The following DLG2 variants were observed in gnomAD, a reference collection of about 807,000 sequenced individuals.
DLG2 encodes discs large MAGUK scaffold protein 2.
In DLG2, 45 loss-of-function variants were observed where a neutral mutation model predicts 132.5. The observed-to-expected ratio is 0.34, with a 90% CI of 0.27 to 0.44. The LOEUF is 0.44. Ranked by LOEUF, DLG2 falls within the 20% of genes least tolerant of loss-of-function variation. The pLI is 1.00. For synonymous variants in DLG2, 424 were observed against 419.6 expected, an observed-to-expected ratio of 1.01 and a Z score of -0.13; for missense variants, 1,045 against 1,196.9, an observed-to-expected ratio of 0.87 and a Z score of 1.87.
chr11:85,590,255 G>C (rs1392177876), intron 3 of DLG2, among the ~76,000 whole-genome samples: 1 of 152,150 alleles, frequency 6.6e-6, no homozygotes, highest in Non-Finnish European at 1.5e-5. Flanking sequence ...GGCTGAATTA[G>C]AACTGGTCCC....
intron 6 of DLG2, among the ~76,000 whole-genome samples, chr11:84,579,936 C>T (rs894768284): frequency 1.3e-5 from 2 of 152,170 alleles, no homozygotes; most frequent in East Asian, 3.9e-4. Flanking sequence ...AACTCCCAAA[C>T]TTCTGGTTGG....
intron 19 of DLG2, among the ~76,000 whole-genome samples, chr11:83,549,300 T>G (rs140424386): frequency 1.3e-5 from 2 of 152,176 alleles, no homozygotes; most frequent in Admixed American, 1.3e-4. Context: ...GATGTTGGAA[T>G]GAAGAAACAC....
intron 6 of DLG2, among the ~76,000 whole-genome samples, chr11:85,028,568 G>A (rs1053084754): frequency 4.0e-4 from 61 of 152,294 alleles, no homozygotes; most frequent in African/African-American, 1.4e-3. Context: ...AGTCCAGAGG[G>A]GGGGCTGAGG....
At chr11:85,515,330 A>G (rs915876937) in intron 3 of DLG2, among the ~76,000 whole-genome samples, 1 of 151,968 alleles carries the variant, frequency 6.6e-6, no homozygotes, top group Non-Finnish European at 1.5e-5. Context: ...TAAACATTTT[A>G]TGATGGCAAG....
At chr11:85,405,433 A>G (rs954838270) in intron 3 of DLG2, among the ~76,000 whole-genome samples, 1 of 152,062 alleles carries the variant, frequency 6.6e-6, no homozygotes, top group African/African-American at 2.4e-5. Flanking sequence ...ACTAAAGAAC[A>G]TAACAGAAAA....
chr11:83,837,862 T>C (rs2154009830), intron 16 of DLG2, among the ~76,000 whole-genome samples: 1 of 152,084 alleles, frequency 6.6e-6, no homozygotes, highest in Middle Eastern at 3.4e-3. Context: ...CTACTCAAGG[T>C]TATTTGTTTT....
chr11:83,468,581 A>G (rs964745391), intron 25 of DLG2, among the ~76,000 whole-genome samples: 4 of 152,128 alleles, frequency 2.6e-5, no homozygotes, highest in African/African-American at 9.7e-5. Context: ...AACCCAACAA[A>G]TATCTTCTCC....
intron 4 of DLG2, among the ~76,000 whole-genome samples, chr11:85,242,748 T>C (rs2075951102): frequency 6.6e-6 from 1 of 151,978 alleles, no homozygotes; most frequent in Admixed American, 6.6e-5. Flanking sequence ...TACTTTATTC[T>C]ATCTGTTGAG....
intron 21 of DLG2, among the ~76,000 whole-genome samples, chr11:83,518,179 C>T (rs1481148373): frequency 6.6e-6 from 1 of 152,230 alleles, no homozygotes; most frequent in Non-Finnish European, 1.5e-5. Context: ...CCAGTTTGAG[C>T]TTCCCAGCTG....
intron 3 of DLG2, among the ~76,000 whole-genome samples, chr11:85,470,513 A>G (rs1374691852): frequency 6.6e-6 from 1 of 152,168 alleles, no homozygotes; most frequent in Non-Finnish European, 1.5e-5. Context: ...ACTTGAGATC[A>G]GGAGTTCGAG....
chr11:84,370,577 A>G (rs2098702213), intron 7 of DLG2, among the ~76,000 whole-genome samples: 1 of 152,186 alleles, frequency 6.6e-6, no homozygotes, highest in Non-Finnish European at 1.5e-5. Flanking sequence ...TGTGGTGTAC[A>G]GTAGGGCCTC....
At chr11:83,604,277 T>G (rs529827348) in intron 19 of DLG2, among the ~76,000 whole-genome samples, 4 of 152,328 alleles carry the variant, frequency 2.6e-5, no homozygotes, top group African/African-American at 9.6e-5. Context: ...TCATAAGAGA[T>G]TCCACCTATT....
intron 16 of DLG2, among the ~76,000 whole-genome samples, chr11:83,844,524 G>C (rs2058240671): frequency 8.8e-6 from 1 of 113,096 alleles, no homozygotes; most frequent in African/African-American, 3.5e-5. Flanking sequence ...CTTTAGCTTA[G>C]GCAACAGAGT....
chr11:84,246,615 C>T (rs1217259217), intron 8 of DLG2, among the ~76,000 whole-genome samples: 1 of 152,152 alleles, frequency 6.6e-6, no homozygotes, highest in Admixed American at 6.5e-5. Context: ...AATCTTTCAT[C>T]CATGATATTG....
At chr11:85,491,203 A>G (rs913192055) in intron 3 of DLG2, among the ~76,000 whole-genome samples, 3 of 152,138 alleles carry the variant, frequency 2.0e-5, no homozygotes, top group Non-Finnish European at 4.4e-5. Flanking sequence ...TAGAAAAGGC[A>G]TTTGATAAAA....
At chr11:85,562,802 G>C (rs906641157) in intron 3 of DLG2, among the ~76,000 whole-genome samples, 1 of 151,756 alleles carries the variant, frequency 6.6e-6, no homozygotes, top group Non-Finnish European at 1.5e-5. Flanking sequence ...CAGTGAATTA[G>C]AGGAAGCTCC....
intron 7 of DLG2, among the ~76,000 whole-genome samples, chr11:84,532,376 A>G (rs2099344953): frequency 6.6e-6 from 1 of 152,168 alleles, no homozygotes; most frequent in Non-Finnish European, 1.5e-5. Flanking sequence ...AGAAGGATAT[A>G]AAATGCTAGC....
intron 5 of DLG2, among the ~76,000 whole-genome samples, chr11:85,131,325 C>T (rs1381593482): frequency 1.3e-5 from 2 of 151,954 alleles, no homozygotes; most frequent in Non-Finnish European, 2.9e-5. Flanking sequence ...AATTATGTTT[C>T]ACAGTATCTA....
chr11:83,662,611 T>C (rs2074577834), intron 18 of DLG2, among the ~76,000 whole-genome samples: 1 of 152,208 alleles, frequency 6.6e-6, no homozygotes, highest in Admixed American at 6.5e-5. Flanking sequence ...GTCTCTTCTA[T>C]TTATCCCTGT....
Sources: allele counts gnomAD v4.1 joint callset (sites outside exome capture counted in the v4.1 genomes callset), GRCh38; gene constraint gnomAD v4.1.1; transcripts MANE v1.5; gene names NCBI Gene and HGNC (gene_info 2026-07-23, HGNC 2026-07-21).